CADPS: variants seen among roughly 807,000 people sequenced by gnomAD.
The protein encoded by CADPS is calcium-dependent secretion activator 1.
Under a neutral mutation model 167.3 loss-of-function variants are expected in CADPS, and 57 were observed. The ratio of observed to expected loss-of-function variants is 0.34; its 90% confidence interval spans 0.28 to 0.42. The LOEUF is 0.42. Among genes scored for constraint, CADPS ranks in the 20% least tolerant of loss-of-function variants. CADPS has a pLI of 1.00. For synonymous variants in CADPS, 676 were observed against 635.3 expected (o/e 1.06, Z -0.96); for missense variants, 1,414 against 1,738.1 (o/e 0.81, Z 3.32).
intron 7 of CADPS, among the ~76,000 whole-genome samples, chr3:62,590,087 G>A (rs183402126): frequency 7.2e-4 from 109 of 151,962 alleles, no homozygotes; most frequent in African/African-American, 2.6e-3. Flanking sequence ...TACTTGGGAG[G>A]CTGAGGCATG....
chr3:62,536,681 G>T, intron 11 of CADPS, 100 bp from the exon 12 acceptor site: 1 of 1,223,686 alleles, frequency 8.2e-7, no homozygotes, highest in Non-Finnish European at 1.2e-6. Flanking sequence ...CATTATGAAC[G>T]TTAGCTGTTT....
Position 62,532,971 on chromosome 3 carries a change from G to T in CADPS, c.2191C>A (p.Leu731Ile). ...TCTGCCCGTTCAAGCAAGTCTCTGAGGTAGCAGAGATGTCGGTGACACCCC... is the reference window on the plus strand; with the variant it reads ...TCTGCCCGTTCAAGCAAGTCTCTGATGTAGCAGAGATGTCGGTGACACCCC... ...VRGCHRHLCY[L>I]RDLLERAENG... is the part of the protein sequence containing the mutation. Residue 731 changes from leucine to isoleucine, a missense_variant, in exon 13 of 30, where the codon CTC (leucine) becomes ATC (isoleucine). Coordinates refer to ENST00000383710, the MANE Select transcript of CADPS (RefSeq NM_003716.4). The T allele has an allele frequency of 6.2e-7, 1 of 1,613,716 alleles. No homozygotes were observed. The highest frequency in any genetic ancestry group is 1.1e-5 in the South Asian group (1 of 91,068).
intron 8 of CADPS, among the ~76,000 whole-genome samples, chr3:62,578,034 T>TA (rs1159873538): frequency 4.6e-5 from 7 of 152,046 alleles, no homozygotes; most frequent in African/African-American, 1.7e-4. Flanking sequence ...TAAATGCAAA[T>TA]AGGCTAAATA....
chr3:62,402,241 G>GT (rs1469282437), intron 29 of CADPS, among the ~76,000 whole-genome samples: 2 of 40,700 alleles, frequency 4.9e-5, no homozygotes, highest in South Asian at 6.3e-4. Flanking sequence ...GGTGGGGGCG[G>GT]GGGGGGGGGG....
At chr3:62,536,277 G>C (rs2074672519) in intron 12 of CADPS, 168 bp downstream of exon 12, 3 of 604,124 alleles carry the variant, frequency 5.0e-6, no homozygotes, top group South Asian at 2.4e-5. Flanking sequence ...GCTCAGTCTT[G>C]TTTCTTTGGT....
intron 1 of CADPS, among the ~76,000 whole-genome samples, chr3:62,791,574 C>T (rs1008693582): frequency 1.3e-5 from 2 of 152,162 alleles, no homozygotes; most frequent in African/African-American, 4.8e-5. Flanking sequence ...AAGCATTGCT[C>T]TAGAGAAAAT....
At chr3:62,600,608 T>C (rs1167240396) in intron 6 of CADPS, among the ~76,000 whole-genome samples, 2 of 152,176 alleles carry the variant, frequency 1.3e-5, no homozygotes, top group Non-Finnish European at 2.9e-5. Context: ...CTCCAAATAG[T>C]GCTCCATTTA....
At position 62,875,229 on chromosome 3, in the gene CADPS, G is replaced by A. The variant is rs1230517164; in HGVS notation, c.-200C>T. On this transcript the variant is annotated 5_prime_UTR_variant, in exon 1 of 30. Coordinates refer to ENST00000383710, the MANE Select transcript of CADPS (RefSeq NM_003716.4). ...GCGAGCTGGGCTCAGACCCAGAAGC[G>A]CGAAGGGAGGAGGGGAAGGGAGAGG... is the stretch of plus-strand genomic sequence containing the variant. 1 of 538,112 alleles carries A rather than the reference G, an allele frequency of 1.9e-6. No individual in the cohort carries two copies. 33.3% of individuals were successfully genotyped at this position (538,112 alleles called of 1,614,324 possible). A position where few individuals can be genotyped will look rare whatever the true frequency, so the allele number is the denominator to read the frequency against.
intron 3 of CADPS, among the ~76,000 whole-genome samples, chr3:62,691,340 T>TA (rs1301102422): frequency 6.6e-6 from 1 of 151,974 alleles, no homozygotes; most frequent in Non-Finnish European, 1.5e-5. Context: ...GGGATAATGA[T>TA]ATATCAGTGT....
intron 3 of CADPS, among the ~76,000 whole-genome samples, chr3:62,733,839 C>T (rs2078433929): frequency 6.6e-6 from 1 of 152,118 alleles, no homozygotes; most frequent in Non-Finnish European, 1.5e-5. Flanking sequence ...GTCCCTTACC[C>T]CAACTCCTAC....
chr3:62,702,705 A>T (rs2081614003), intron 3 of CADPS, among the ~76,000 whole-genome samples: 1 of 152,110 alleles, frequency 6.6e-6, no homozygotes, highest in African/African-American at 2.4e-5. Context: ...CTTCATTATG[A>T]CAGCTACTAG....
intron 24 of CADPS, among the ~76,000 whole-genome samples, chr3:62,471,894 A>C (rs2060666662): frequency 6.6e-6 from 1 of 152,214 alleles, no homozygotes; most frequent in Non-Finnish European, 1.5e-5. Context: ...GATAATGGTC[A>C]AGTATCCAGA....
intron 2 of CADPS, among the ~76,000 whole-genome samples, chr3:62,763,000 T>C (rs1010903900): frequency 6.6e-6 from 1 of 152,032 alleles, no homozygotes; most frequent in Non-Finnish European, 1.5e-5. Context: ...AAGGAGGATA[T>C]CTGTTGGTTT....
At chr3:62,808,794 C>T (rs1353401407) in intron 1 of CADPS, among the ~76,000 whole-genome samples, 1 of 152,128 alleles carries the variant, frequency 6.6e-6, no homozygotes, top group Non-Finnish European at 1.5e-5. Flanking sequence ...CCACTAAGCA[C>T]TAGACTCTTA....
At chr3:62,666,704 C>G (rs1054862776) in intron 3 of CADPS, among the ~76,000 whole-genome samples, 1 of 152,124 alleles carries the variant, frequency 6.6e-6, no homozygotes, top group Non-Finnish European at 1.5e-5. Context: ...GAACTAAGCC[C>G]AGCACTGTGT....
intron 8 of CADPS, among the ~76,000 whole-genome samples, chr3:62,584,183 T>A (rs1257312104): frequency 6.6e-6 from 1 of 151,964 alleles, no homozygotes; most frequent in Non-Finnish European, 1.5e-5. Flanking sequence ...TTTTTTGTAT[T>A]TTTAGTAGAG....
Position 62,478,002 on chromosome 3 carries a change from A to G in CADPS, c.3329+259T>C, listed in dbSNP as rs1358766580. 2 of 437,176 alleles carry G rather than the reference A, an allele frequency of 4.6e-6. No homozygotes were observed. The highest frequency in any genetic ancestry group is 8.3e-6 in the Non-Finnish European group (2 of 241,344). 27.1% of individuals were successfully genotyped at this position (437,176 alleles called of 1,614,324 possible). On this transcript the variant is annotated intron_variant, in intron 23 of 29. Transcript: ENST00000383710. This position sits in a 1 kb window ranked among gnomAD's most constrained non-coding sequence, Gnocchi z 5.7. The stretch of plus-strand genomic sequence containing the variant: ...CTAGATATCAGGGATACAAAAAAGA[A>G]TGGACAGGGATCTTTTCCTCTTAAA...
intron 3 of CADPS, among the ~76,000 whole-genome samples, chr3:62,675,855 C>A (rs1247258577): frequency 6.6e-6 from 1 of 152,090 alleles, no homozygotes; most frequent in Non-Finnish European, 1.5e-5. Context: ...GTTGCCCTTT[C>A]ATATTTGCAA....
intron 4 of CADPS, among the ~76,000 whole-genome samples, chr3:62,657,316 G>C (rs565571536): frequency 6.6e-6 from 1 of 152,198 alleles, no homozygotes; most frequent in South Asian, 2.1e-4. Context: ...AGAACCAATG[G>C]TGTTTTACTC....
Sources: gnomAD v4.1 joint callset for allele counts (sites outside exome capture counted in the v4.1 genomes callset) on GRCh38, gnomAD v4.1.1 for gene constraint, Gnocchi (gnomAD v3.1) non-coding constraint, MANE v1.5 for transcripts, NCBI Gene and HGNC (gene_info 2026-07-23, HGNC 2026-07-21) for gene names.